The following FHIT variants were observed in gnomAD, a reference collection of about 807,000 sequenced individuals.
The protein encoded by FHIT is bis(5'-adenosyl)-triphosphatase.
FHIT carries 19 observed loss-of-function variants against 17.9 expected under a neutral mutation model. The observed-to-expected ratio is 1.06, with a 90% CI of 0.74 to 1.56. The LOEUF is 1.56. FHIT is among the 40% of genes most tolerant of loss of function. FHIT has a pLI of 0.00. For missense variants in FHIT, 248 were observed against 189.2 expected, an observed-to-expected ratio of 1.31 and a Z score of -1.82; for synonymous variants, 81 against 69.7, an observed-to-expected ratio of 1.16 and a Z score of -0.81.
chr3:60,672,906 T>TGTGTGTGTGTGTGC (rs1454491586), intron 4 of FHIT, among the ~76,000 whole-genome samples: 47 of 151,578 alleles, frequency 3.1e-4, no homozygotes, highest in Non-Finnish European at 4.7e-4. Context: ...TGTGTGTGTG[T>TGTGTGTGTGTGTGC]GCATGCATGC....
chr3:60,325,769 C>A (rs533256647), intron 5 of FHIT, among the ~76,000 whole-genome samples: 4 of 152,298 alleles, frequency 2.6e-5, no homozygotes, highest in African/African-American at 7.2e-5. Flanking sequence ...GTGTCCTCTG[C>A]CCTGCCAGCA....
At chr3:61,121,075 C>T (rs2036443794) in intron 2 of FHIT, among the ~76,000 whole-genome samples, 1 of 151,892 alleles carries the variant, frequency 6.6e-6, no homozygotes, top group Non-Finnish European at 1.5e-5. Context: ...AACAAAGCCT[C>T]CAAGGAATAT....
intron 8 of FHIT, among the ~76,000 whole-genome samples, chr3:59,820,588 C>T (rs570542412): frequency 2.2e-4 from 34 of 152,304 alleles, no homozygotes; most frequent in African/African-American, 6.0e-4. Flanking sequence ...CAGCAATGCT[C>T]GTTTGTTTAT....
intron 3 of FHIT, among the ~76,000 whole-genome samples, chr3:60,860,251 G>GTATACATGGT (rs1703618882): frequency 5.2e-5 from 7 of 135,132 alleles, no homozygotes; most frequent in African/African-American, 2.1e-4. Flanking sequence ...GTATACATGA[G>GTATACATGGT]ATACATCATA....
chr3:61,057,485 C>T (rs1475412960), intron 2 of FHIT, among the ~76,000 whole-genome samples: 1 of 151,560 alleles, frequency 6.6e-6, no homozygotes, highest in African/African-American at 2.4e-5. Context: ...ATGAAACACA[C>T]AGTAAGTACA....
At chr3:60,477,378 A>G (rs916832328) in intron 5 of FHIT, among the ~76,000 whole-genome samples, 1 of 152,156 alleles carries the variant, frequency 6.6e-6, no homozygotes, top group African/African-American at 2.4e-5. Context: ...TTTGAGAGAG[A>G]TGCAGAGAGA....
At chr3:60,045,809 C>T (rs543162892) in intron 5 of FHIT, among the ~76,000 whole-genome samples, 2 of 152,180 alleles carry the variant, frequency 1.3e-5, no homozygotes, top group African/African-American at 4.8e-5. Context: ...TCTGGATCAA[C>T]TGAAATGGAG....
intron 5 of FHIT, among the ~76,000 whole-genome samples, chr3:60,523,432 G>A (rs2035449602): frequency 6.6e-6 from 1 of 151,912 alleles, no homozygotes; most frequent in Admixed American, 6.6e-5. Context: ...ATTGTCTAAT[G>A]GAAATTTCCT....
At chr3:61,066,236 C>A (rs1383917461) in intron 2 of FHIT, among the ~76,000 whole-genome samples, 1 of 152,214 alleles carries the variant, frequency 6.6e-6, no homozygotes, top group African/African-American at 2.4e-5. Context: ...CAACCCACTT[C>A]TCAACACTGT....
chr3:60,528,718 T>C (rs1486128138), intron 5 of FHIT, among the ~76,000 whole-genome samples: 1 of 152,196 alleles, frequency 6.6e-6, no homozygotes, highest in Non-Finnish European at 1.5e-5. Flanking sequence ...ACTGAGACCA[T>C]GTGCATTGGC....
intron 5 of FHIT, among the ~76,000 whole-genome samples, chr3:60,085,699 G>A (rs1452819897): frequency 6.6e-6 from 1 of 152,176 alleles, no homozygotes; most frequent in Non-Finnish European, 1.5e-5. Flanking sequence ...AGTCTTCTAA[G>A]TGTTCTCTCC....
chr3:60,440,494 C>T (rs1407769409), intron 5 of FHIT, among the ~76,000 whole-genome samples: 1 of 152,080 alleles, frequency 6.6e-6, no homozygotes, highest in East Asian at 1.9e-4. Context: ...TGTACCAGGT[C>T]CTACGCCTGT....
At chr3:60,495,933 A>G (rs1441799419) in intron 5 of FHIT, among the ~76,000 whole-genome samples, 1 of 152,192 alleles carries the variant, frequency 6.6e-6, no homozygotes, top group East Asian at 1.9e-4. Context: ...GGGAAAGAAT[A>G]GAATGGAACA....
At chr3:61,082,094 AG>A (rs1363790109) in intron 2 of FHIT, among the ~76,000 whole-genome samples, 1 of 152,032 alleles carries the variant, frequency 6.6e-6, no homozygotes, top group Non-Finnish European at 1.5e-5. Context: ...AAAAAAAAAA[AG>A]TGCTTATTGA....
chr3:59,865,646 C>G (rs561836154), intron 8 of FHIT, among the ~76,000 whole-genome samples: 1 of 131,722 alleles, frequency 7.6e-6, no homozygotes, highest in Non-Finnish European at 1.6e-5. Flanking sequence ...TAACAGAATG[C>G]TTTTACCCTT....
intron 5 of FHIT, among the ~76,000 whole-genome samples, chr3:60,306,613 C>G (rs528948410): frequency 1.3e-5 from 2 of 152,284 alleles, no homozygotes; most frequent in East Asian, 3.9e-4. Flanking sequence ...CTGTTCAACC[C>G]TTACTTGTAG....
chr3:60,079,990 G>A (rs1307718364), intron 5 of FHIT, among the ~76,000 whole-genome samples: 5 of 152,008 alleles, frequency 3.3e-5, no homozygotes, highest in Admixed American at 6.6e-5. Flanking sequence ...ATCATTTACT[G>A]TCATTACTTT....
intron 5 of FHIT, among the ~76,000 whole-genome samples, chr3:60,499,583 G>C (rs558458429): frequency 2.0e-5 from 3 of 152,238 alleles, no homozygotes; most frequent in Admixed American, 6.5e-5. Flanking sequence ...AGTAGAGACG[G>C]GGTTTCACCG....
chr3:60,785,403 C>T (rs1333589011), intron 4 of FHIT, among the ~76,000 whole-genome samples: 1 of 152,106 alleles, frequency 6.6e-6, no homozygotes, highest in East Asian at 1.9e-4. Flanking sequence ...GCCCATTTAC[C>T]ATGCCACAGG....
Sources: allele counts gnomAD v4.1 joint callset (sites outside exome capture counted in the v4.1 genomes callset), GRCh38; gene constraint gnomAD v4.1.1; transcripts MANE v1.5; gene names NCBI Gene and HGNC (gene_info 2026-07-23, HGNC 2026-07-21).